Variants in ZNF519 observed in about 807,000 individuals in gnomAD.
ZNF519 encodes the protein zinc finger protein 519.
Under a neutral mutation model 7.4 loss-of-function variants are expected in ZNF519, and 7 were observed. That is an observed-to-expected ratio of 0.94 (90% CI 0.54 to 1.77). The LOEUF (loss-of-function observed/expected upper bound fraction) is 1.77. ZNF519 is among the 40% of genes most tolerant of loss of function. The probability of loss-of-function intolerance (pLI) is 0.00; values close to 1 mark genes in which losing one functional copy is unlikely to be tolerated. For synonymous variants in ZNF519, 179 were observed against 203.3 expected, an observed-to-expected ratio of 0.88 and a Z score of 1.02; for missense variants, 586 against 623.1, an observed-to-expected ratio of 0.94 and a Z score of 0.63.
chr18:14,074,253 T>A (rs1371564726), downstream of ZNF519: 2 of 152,154 alleles, frequency 1.3e-5, no homozygotes, highest in African/African-American at 4.8e-5. Flanking sequence ...TTGACGCATG[T>A]TCAGCCAAAG....
chr18:14,093,383 A>G (rs56138572), intron 2 of ZNF519, among the ~76,000 whole-genome samples: 30,702 of 152,146 alleles, frequency 0.2, 3,399 homozygotes, highest in Middle Eastern at 0.25. Flanking sequence ...TCCTACCAGA[A>G]TAGTATATTG....
rs1004365813 is a variant in ZNF519 at position 14,104,117 on chromosome 18, T to A, written c.*800A>T. The A allele has an allele frequency of 6.6e-6, 1 of 152,206 alleles. No individual in the cohort carries two copies. The highest frequency in any genetic ancestry group is 1.5e-5 in the Non-Finnish European group (1 of 68,022). The allele number at this position is 152,206 out of a possible 1,614,324, so 9.4% of individuals were successfully genotyped here. ...GAGAGAAGTTATTTGCACCACTCTC[T>A]GATATTTGTGATTTCTTTATTGTTA... On this transcript the variant is annotated 3_prime_UTR_variant, in exon 3 of 3. Coordinates refer to ENST00000590202, the MANE Select transcript of ZNF519 (RefSeq NM_145287.4).
At chr18:14,126,365 T>C (rs1168911105) in intron 1 of ZNF519, among the ~76,000 whole-genome samples, 1 of 152,262 alleles carries the variant, frequency 6.6e-6, no homozygotes, top group Non-Finnish European at 1.5e-5. Context: ...TACGTTTTCC[T>C]AGAGCAATTA....
downstream of ZNF519, chr18:14,074,161 T>C (rs935705970): frequency 2.6e-5 from 4 of 152,208 alleles, no homozygotes; most frequent in African/African-American, 9.7e-5. Context: ...GATGTTTTTT[T>C]CAATTTTTGA....
chr18:14,119,870 G>A (rs1489927915), intron 2 of ZNF519, among the ~76,000 whole-genome samples: 1 of 152,126 alleles, frequency 6.6e-6, no homozygotes, highest in African/African-American at 2.4e-5. Context: ...AAATTTAACT[G>A]ATGATATAAA....
In ZNF519 at chr18:14,105,108, G is replaced by A; in HGVS notation, c.1432C>T (p.His478Tyr). Residue 478 changes from histidine (H) to tyrosine (Y), a missense_variant, in exon 3 of 3, where the codon CAT becomes TAT. Coordinates refer to ENST00000590202, the MANE Select transcript of ZNF519 (RefSeq NM_145287.4). ...AFIWGSHLTQ[H>Y]QRVHTGEKFF... ...TTCTCTCCAGTATGGACTCTCTGAT[G>A]TTGAGTAAGGTGTGAGCCCCAGATA... 1.9e-6 allele frequency: 3 copies of A among 1,613,236 alleles called. No individual in the cohort carries two copies. The highest frequency in any genetic ancestry group is 2.5e-6 in the Non-Finnish European group (3 of 1,179,666).
intron 2 of ZNF519, among the ~76,000 whole-genome samples, chr18:14,094,728 A>G (rs2046128365): frequency 6.6e-6 from 1 of 151,926 alleles, no homozygotes; most frequent in Non-Finnish European, 1.5e-5. Context: ...AGATTGGCCT[A>G]TAGTTTTTTT....
chr18:14,127,304 G>A (rs1175756418), intron 1 of ZNF519, among the ~76,000 whole-genome samples: 3 of 152,204 alleles, frequency 2.0e-5, no homozygotes, highest in African/African-American at 4.8e-5. Flanking sequence ...GACCTCTCAT[G>A]ATGCAGAAAA....
chr18:14,081,069 A>C (rs2046069141), intron 3 of ZNF519, among the ~76,000 whole-genome samples: 1 of 152,206 alleles, frequency 6.6e-6, no homozygotes, highest in Non-Finnish European at 1.5e-5. Flanking sequence ...ATTTTGTTTA[A>C]CTCTATAATA....
chr18:14,117,165 A>G (rs1015314287), intron 2 of ZNF519, among the ~76,000 whole-genome samples: 1 of 152,184 alleles, frequency 6.6e-6, no homozygotes, highest in East Asian at 1.9e-4. Context: ...TAGTGAAGTA[A>G]GCAGAAGAAG....
At chr18:14,116,793 G>C (rs2046247890) in intron 2 of ZNF519, among the ~76,000 whole-genome samples, 1 of 152,112 alleles carries the variant, frequency 6.6e-6, no homozygotes, top group Non-Finnish European at 1.5e-5. Flanking sequence ...GATTACTTGA[G>C]GTCAGGAGTT....
chr18:14,130,883 C>CTT (rs1356704669), intron 1 of ZNF519, among the ~76,000 whole-genome samples: 1 of 151,280 alleles, frequency 6.6e-6, no homozygotes, highest in African/African-American at 2.4e-5. Flanking sequence ...CCAAGGGATT[C>CTT]TTTTTTTACA....
chr18:14,071,147 T>C (rs1358948671), downstream of ZNF519: 2 of 151,724 alleles, frequency 1.3e-5, no homozygotes, highest in Non-Finnish European at 2.9e-5. Context: ...GAGAGGATTC[T>C]TTATTTAATG....
At position 14,106,429 on chromosome 18, in the gene ZNF519, C is replaced by A; in HGVS notation, c.131-20G>T. Reference sequence around the variant, plus strand: ...ACACAGCTGAAAGAAGTAAAAATAACTAATTATTCTACATACTGATTTCAG... The same window carrying A: ...ACACAGCTGAAAGAAGTAAAAATAAATAATTATTCTACATACTGATTTCAG... On this transcript the variant is annotated intron_variant, in intron 2 of 2. Coordinates refer to ENST00000590202, the MANE Select transcript of ZNF519 (RefSeq NM_145287.4). 6.5e-7 allele frequency: 1 copy of A among 1,537,810 alleles called. No individual in the cohort carries two copies. The highest frequency in any genetic ancestry group is 1.3e-5 in the South Asian group (1 of 77,736).
chr18:14,126,641 G>A (rs181519518), intron 1 of ZNF519, among the ~76,000 whole-genome samples: 8 of 152,222 alleles, frequency 5.3e-5, no homozygotes, highest in Non-Finnish European at 8.8e-5. Context: ...AATGACATAC[G>A]AAATAGAAGC....
At chr18:14,098,340 A>G (rs1408720655), downstream of ZNF519, among the ~76,000 whole-genome samples, 1 of 151,956 alleles carries the variant, frequency 6.6e-6, no homozygotes, top group Non-Finnish European at 1.5e-5. Flanking sequence ...TTGTATTTTT[A>G]GTAGAGACGG....
chr18:14,116,543 A>G (rs992339155), intron 2 of ZNF519, among the ~76,000 whole-genome samples: 1 of 152,242 alleles, frequency 6.6e-6, no homozygotes, highest in African/African-American at 2.4e-5. Context: ...CAAGGTTACT[A>G]TAACAACATA....
downstream of ZNF519, among the ~76,000 whole-genome samples, chr18:14,098,199 T>G (rs1429091892): frequency 6.6e-6 from 1 of 150,436 alleles, no homozygotes; most frequent in Non-Finnish European, 1.5e-5. Context: ...CTCACTCTGC[T>G]GCCCATGCTG....
chr18:14,091,557 A>G (rs2046114396), intron 2 of ZNF519, among the ~76,000 whole-genome samples: 1 of 152,202 alleles, frequency 6.6e-6, no homozygotes, highest in Non-Finnish European at 1.5e-5. Context: ...CAGAGACAGC[A>G]TCATCAGAAG....
Sources: gnomAD v4.1 joint callset for allele counts (sites outside exome capture counted in the v4.1 genomes callset) on GRCh38, gnomAD v4.1.1 for gene constraint, MANE v1.5 for transcripts, NCBI Gene and HGNC (gene_info 2026-07-23, HGNC 2026-07-21) for gene names.